Variants in DOCK4 observed in about 807,000 individuals in gnomAD.
The protein encoded by DOCK4 is dedicator of cytokinesis 4.
Under a neutral mutation model 268.1 loss-of-function variants are expected in DOCK4, and 97 were observed. The observed-to-expected ratio is 0.36, with a 90% CI of 0.31 to 0.43. The LOEUF is 0.43. Ranked by LOEUF, DOCK4 falls within the 20% of genes least tolerant of loss-of-function variation. DOCK4 has a pLI of 1.00. For missense variants in DOCK4, 2,145 were observed against 2,455.7 expected (o/e 0.87, Z 2.67); for synonymous variants, 954 against 887.2 (o/e 1.08, Z -1.34).
intron 38 of DOCK4, 44 bp from the exon 39 acceptor site, chr7:111,765,266 C>T (rs80172643): frequency 0.012 from 12,380 of 1,075,862 alleles, 122 homozygotes; most frequent in East Asian, 0.039. Flanking sequence ...TCTCATCTTT[C>T]GGTTCTATCA....
At chr7:111,916,052 T>A (rs1197235915) in intron 12 of DOCK4, 148 bp from the exon 13 acceptor site, 2 of 841,616 alleles carry the variant, frequency 2.4e-6, no homozygotes, top group Non-Finnish European at 3.6e-6. Flanking sequence ...TCTATATGAA[T>A]CATATCTGAA....
intron 1 of DOCK4, among the ~76,000 whole-genome samples, chr7:112,027,242 T>C (rs1267491330): frequency 6.6e-6 from 1 of 152,176 alleles, no homozygotes; most frequent in Non-Finnish European, 1.5e-5. Flanking sequence ...TGTTTGTTTT[T>C]GAGAGAGAGT....
intron 30 of DOCK4, among the ~76,000 whole-genome samples, chr7:111,803,935 A>G (rs564961737): frequency 6.6e-6 from 1 of 152,222 alleles, no homozygotes; most frequent in Non-Finnish European, 1.5e-5. Context: ...CTGTCAAAAA[A>G]CCAGGAAATA....
intron 11 of DOCK4, among the ~76,000 whole-genome samples, chr7:111,938,792 A>G (rs1386603378): frequency 6.6e-6 from 1 of 152,084 alleles, no homozygotes; most frequent in Admixed American, 6.6e-5. Flanking sequence ...ACCACACTCT[A>G]ATATGACTGT....
chr7:111,804,238 C>T (rs568744164), intron 30 of DOCK4, among the ~76,000 whole-genome samples: 21 of 152,160 alleles, frequency 1.4e-4, no homozygotes, highest in African/African-American at 3.9e-4. Context: ...TATATCCATA[C>T]GACAGAATAT....
chr7:111,748,048 A>G (rs1347296647), intron 42 of DOCK4, among the ~76,000 whole-genome samples: 1 of 152,210 alleles, frequency 6.6e-6, no homozygotes, highest in African/African-American at 2.4e-5. Context: ...TAGAATCATA[A>G]TGACTTAAAA....
Position 112,088,349 on chromosome 7 carries a change from T to C in DOCK4, c.38-84218A>G, listed in dbSNP as rs1586798602. Among the ~76,000 whole-genome samples, 3 of 152,194 alleles carry C rather than the reference T, an allele frequency of 2.0e-5. No homozygotes were observed. In the South Asian group the frequency reaches 6.2e-4, roughly 31 times the overall value. ...CAACTGAAATATCCCCTTTTAATTC[T>C]TTGAAAGGTTAGATGTTTATAGATA... On this transcript the variant is annotated intron_variant, in intron 1 of 52. Transcript: ENST00000428084.
At chr7:112,085,660 G>C (rs565060460) in intron 1 of DOCK4, among the ~76,000 whole-genome samples, 16 of 152,210 alleles carry the variant, frequency 1.1e-4, no homozygotes, top group African/African-American at 3.9e-4. Flanking sequence ...AGAAAACTAA[G>C]ATTTTCCTAA....
intron 25 of DOCK4, among the ~76,000 whole-genome samples, chr7:111,839,535 C>T (rs1803506022): frequency 6.6e-6 from 1 of 152,204 alleles, no homozygotes; most frequent in Non-Finnish European, 1.5e-5. Flanking sequence ...CCTTTACAGT[C>T]AATATACATA....
At chr7:112,070,517 C>A (rs942752321) in intron 1 of DOCK4, among the ~76,000 whole-genome samples, 2 of 152,030 alleles carry the variant, frequency 1.3e-5, no homozygotes, top group Non-Finnish European at 2.9e-5. Context: ...TTTATTCAGG[C>A]TGAATTTTAG....
chr7:111,990,427 A>G (rs1799430565), intron 5 of DOCK4, among the ~76,000 whole-genome samples: 4 of 152,218 alleles, frequency 2.6e-5, no homozygotes, highest in African/African-American at 7.2e-5. Context: ...TCATCCATCT[A>G]AAGTCTTCTA....
chr7:111,790,170 G>C (rs1300940514), intron 31 of DOCK4, among the ~76,000 whole-genome samples: 1 of 151,878 alleles, frequency 6.6e-6, no homozygotes, highest in Non-Finnish European at 1.5e-5. Context: ...TGTCCAACTG[G>C]GTGCAAATAA....
At chr7:111,823,204 C>CTTTTTT (rs917904625) in intron 26 of DOCK4, among the ~76,000 whole-genome samples, 10 of 116,264 alleles carry the variant, frequency 8.6e-5, no homozygotes, top group African/African-American at 3.3e-4. Context: ...GGAAATATTA[C>CTTTTTT]TTTTTTTTTT....
intron 12 of DOCK4, among the ~76,000 whole-genome samples, 156 bp from the exon 13 acceptor site, chr7:111,916,060 G>C (rs1792559406): frequency 6.6e-6 from 1 of 152,194 alleles, no homozygotes; most frequent in African/African-American, 2.4e-5. Context: ...AATCATATCT[G>C]AATAACACTT....
chr7:112,053,233 A>G (rs1381808031), intron 1 of DOCK4, among the ~76,000 whole-genome samples: 2 of 152,172 alleles, frequency 1.3e-5, no homozygotes, highest in African/African-American at 4.8e-5. Context: ...TGCTGTTTAT[A>G]TCCTACTCCT....
chr7:112,201,574 G>A (rs369622771), intron 1 of DOCK4, among the ~76,000 whole-genome samples: 7 of 150,202 alleles, frequency 4.7e-5, no homozygotes, highest in Non-Finnish European at 7.4e-5. Context: ...ATAAAAGCCT[G>A]TTGGACAAAT....
chr7:112,139,152 C>T (rs1456656409), intron 1 of DOCK4, among the ~76,000 whole-genome samples: 3 of 152,116 alleles, frequency 2.0e-5, no homozygotes, highest in Admixed American at 6.6e-5. Context: ...CTTCAACAGT[C>T]GCTGCAAATC....
rs553081248 is a variant in DOCK4, at chr7:111,923,722, T to C, written c.1067-7818A>G. Among the ~76,000 whole-genome samples, 2 of 152,358 alleles carry C rather than the reference T, an allele frequency of 1.3e-5. 1 individual carries two copies. Among genetic ancestry groups the C allele is most frequent in the South Asian group, 4.1e-4 (2 of 4,830 alleles). ...CAGCTTACCCATGTACTTTATTTGTTCCTTCTGGAATTCCTACTAGATGTA... is the reference window on the plus strand; with the variant it reads ...CAGCTTACCCATGTACTTTATTTGTCCCTTCTGGAATTCCTACTAGATGTA... On this transcript the variant is annotated intron_variant, in intron 12 of 52. Transcript: ENST00000428084.
intron 42 of DOCK4, among the ~76,000 whole-genome samples, chr7:111,750,387 C>A (rs1484070972): frequency 6.6e-6 from 1 of 152,168 alleles, no homozygotes; most frequent in Non-Finnish European, 1.5e-5. Context: ...CAAAGGATTT[C>A]TTTAAGTAAA....
Sources: gnomAD v4.1 joint callset for allele counts (sites outside exome capture counted in the v4.1 genomes callset) on GRCh38, gnomAD v4.1.1 for gene constraint, MANE v1.5 for transcripts, NCBI Gene and HGNC (gene_info 2026-07-23, HGNC 2026-07-21) for gene names.